The following RAD51AP2 variants were observed in gnomAD, a reference collection of about 807,000 sequenced individuals.
RAD51AP2 encodes the protein RAD51-associated protein 2.
A neutral mutation model predicts 85.5 loss-of-function variants in RAD51AP2; 67 were observed. That is an observed-to-expected ratio of 0.78 (90% CI 0.64 to 0.96). The LOEUF is 0.96. Ranked by LOEUF, RAD51AP2 falls within the 40% of genes least tolerant of loss-of-function variation. RAD51AP2 has a pLI of 0.00. For synonymous variants in RAD51AP2, 474 were observed against 446.5 expected, an observed-to-expected ratio of 1.06 and a Z score of -0.78; for missense variants, 1,307 against 1,332.4, an observed-to-expected ratio of 0.98 and a Z score of 0.30.
intron 2 of RAD51AP2, among the ~76,000 whole-genome samples, chr2:17,512,080 A>T (rs1223264527): frequency 1.3e-5 from 2 of 152,192 alleles, no homozygotes; most frequent in Non-Finnish European, 2.9e-5. Context: ...GCTCAAAATA[A>T]TTTCAATACT....
At chr2:17,514,540 G>GC (rs1278753180) in intron 1 of RAD51AP2, among the ~76,000 whole-genome samples, 1 of 151,900 alleles carries the variant, frequency 6.6e-6, no homozygotes, top group Non-Finnish European at 1.5e-5. Context: ...GGGCGGCGGG[G>GC]GGGGTGGATC....
the RAD51AP2 span, among the ~76,000 whole-genome samples, chr2:17,530,687 A>G: frequency 1.3e-5 from 2 of 152,070 alleles, no homozygotes; most frequent in Non-Finnish European, 2.9e-5. Flanking sequence ...TTTTAAGATA[A>G]AAATAATACA....
Position 17,517,764 on chromosome 2 carries a change from C to A in RAD51AP2, c.652G>T (p.Val218Leu). ...TTATTTTCTCTTTTATTTGATGGCA[C>A]AACACTGTTAGCTTTACATCTGTTC... ...IKNRCKANSV[V>L]PSNKRENNIS... Residue 218 changes from valine (V) to leucine (L), a missense_variant, in exon 1 of 3, where the codon GTG becomes TTG. Around this residue, in one of 3 missense-constraint regions of RAD51AP2, gnomAD observed 635 missense variants for 643.6 expected, o/e 0.99. Transcript: ENST00000399080. 6.2e-7 allele frequency: 1 copy of A among 1,613,864 alleles called. No individual in the cohort carries two copies. Among genetic ancestry groups the A allele is most frequent in the African/African-American group, 1.3e-5 (1 of 75,034 alleles).
the RAD51AP2 span, among the ~76,000 whole-genome samples, chr2:17,525,932 C>G: frequency 1.3e-5 from 2 of 151,926 alleles, no homozygotes; most frequent in Non-Finnish European, 2.9e-5. Flanking sequence ...AGGAACAGAA[C>G]CACAGTAATC....
Position 17,518,425 on chromosome 2 carries a change from T to A in RAD51AP2, c.-10A>T. 6.2e-7 allele frequency: 1 copy of A among 1,607,732 alleles called. No homozygotes were observed. The highest frequency in any genetic ancestry group is 8.5e-7 in the Non-Finnish European group (1 of 1,178,008). ...GCTGAGGGAGAGACATGACAGCGAA[T>A]GGAAAGGATCTGTCCGAGTCCCGGC... On this transcript the variant is annotated 5_prime_UTR_variant, in exon 1 of 3. Transcript: ENST00000399080.
At chr2:17,523,414 G>T (rs891008928), upstream of RAD51AP2, among the ~76,000 whole-genome samples, 1 of 151,898 alleles carries the variant, frequency 6.6e-6, no homozygotes, top group South Asian at 2.1e-4. Flanking sequence ...ATATGCTACA[G>T]ATCAGAGCTT....
the RAD51AP2 span, among the ~76,000 whole-genome samples, chr2:17,528,835 C>T: frequency 1.3e-5 from 2 of 152,228 alleles, no homozygotes; most frequent in Admixed American, 6.5e-5. Context: ...CAGAACAATT[C>T]CATGTCTCAA....
intron 1 of RAD51AP2, among the ~76,000 whole-genome samples, chr2:17,514,539 G>GGA (rs1292303308): frequency 3.9e-5 from 5 of 128,698 alleles, no homozygotes; most frequent in Non-Finnish European, 5.7e-5. Context: ...AGGGCGGCGG[G>GGA]GGGGGTGGAT....
rs750569378 is a variant in RAD51AP2 at position 17,518,058 on chromosome 2, A to AG, written c.357dup (p.Ser120LeufsTer5). 4 of 1,614,082 alleles carry AG rather than the reference A, an allele frequency of 2.5e-6. No homozygotes were observed. Among genetic ancestry groups the AG allele is most frequent in the Non-Finnish European group, 2.5e-6 (3 of 1,180,008 alleles). On this transcript the variant is annotated frameshift_variant, in exon 1 of 3. Transcript: ENST00000399080. LOFTEE classifies it high-confidence loss of function. The stretch of plus-strand genomic sequence containing the variant: ...CTCAAATCAGAATCAGGACTTTGTG[A>AG]GGGGGGAGACTGCAAACAGCTACTC...
At chr2:17,522,175 C>T (rs773865464), upstream of RAD51AP2, among the ~76,000 whole-genome samples, 2 of 151,984 alleles carry the variant, frequency 1.3e-5, no homozygotes, top group East Asian at 1.9e-4. Context: ...AAAATACAAA[C>T]TTTAATTTGA....
At chr2:17,532,596 A>G in the RAD51AP2 span, among the ~76,000 whole-genome samples, 1 of 152,148 alleles carries the variant, frequency 6.6e-6, no homozygotes, top group African/African-American at 2.4e-5. Flanking sequence ...GCAGTCAGGA[A>G]CCTGTTTCTT....
rs368152388 is a variant in RAD51AP2 at position 17,515,638 on chromosome 2, A to G, written c.2778T>C (p.Tyr926=). 949 of 1,612,520 alleles carry G rather than the reference A, an allele frequency of 5.9e-4. No individual in the cohort carries two copies. Among genetic ancestry groups the G allele is most frequent in the Non-Finnish European group, 7.4e-4 (878 of 1,179,496 alleles). The change falls in exon 1 of 3, where the codon TAT becomes TAC. Residue 926 remains tyrosine, a synonymous_variant. Transcript: ENST00000399080. The stretch of plus-strand genomic sequence containing the variant: ...GACCAGTTTCAAATTGATGATTAAT[A>G]TATAATGCAGAGTCATTCTTTCTGT... The part of the protein sequence containing the change: ...DFHRKNDSAL[Y]INHQFETGLS...
chr2:17,514,543 G>GGT (rs1553293575), intron 1 of RAD51AP2, among the ~76,000 whole-genome samples: 4 of 151,188 alleles, frequency 2.6e-5, no homozygotes, highest in South Asian at 2.1e-4. Flanking sequence ...CGGCGGGGGG[G>GGT]GTGGATCACA....
At position 17,518,253 on chromosome 2, in the gene RAD51AP2, G is replaced by C; in HGVS notation, c.163C>G (p.Pro55Ala). 6.2e-7 allele frequency: 1 copy of C among 1,614,162 alleles called. No homozygotes were observed. Among genetic ancestry groups the C allele is most frequent in the South Asian group, 1.1e-5 (1 of 91,086 alleles). The change falls in exon 1 of 3, where the codon CCT becomes GCT. Residue 55 changes from proline (P) to alanine (A), a missense_variant. This residue lies in a region of RAD51AP2 where 635 missense variants were observed against 643.6 expected (regional missense o/e 0.99). Coordinates refer to ENST00000399080, the MANE Select transcript of RAD51AP2 (RefSeq NM_001099218.3). The stretch of plus-strand genomic sequence containing the variant: ...ACTTTTTCCGCCTCAGACAAGCGAG[G>C]CACCAGAGGCAGTCGCCAGCCCGCC... The part of the protein sequence containing the change: ...FKAGWRLPLV[P>A]RLSEAEKVWE...
At position 17,516,502 on chromosome 2, in the gene RAD51AP2, T is replaced by C. The variant is rs775904504; in HGVS notation, c.1914A>G (p.Leu638=). ...ACATAGGTTTCATATTATCTTCTAATAGTCTTGAAGAAGTTAAAATCTTTA... is the reference window on the plus strand; with the variant it reads ...ACATAGGTTTCATATTATCTTCTAACAGTCTTGAAGAAGTTAAAATCTTTA... ...YLVKILTSSR[L]LEDNMKPMLK... Residue 638 remains leucine (L), a synonymous_variant, in exon 1 of 3, where the codon CTA becomes CTG. Coordinates refer to ENST00000399080, the MANE Select transcript of RAD51AP2 (RefSeq NM_001099218.3). 1 of 1,537,374 alleles carries C rather than the reference T, an allele frequency of 6.5e-7. No individual in the cohort carries two copies. Among genetic ancestry groups the C allele is most frequent in the Non-Finnish European group, 8.9e-7 (1 of 1,127,952 alleles).
Position 17,516,863 on chromosome 2 carries a change from T to C in RAD51AP2, c.1553A>G (p.Lys518Arg). The change falls in exon 1 of 3, where the codon AAA becomes AGA. Residue 518 changes from lysine to arginine, a missense_variant. Lys to Arg is a conservative substitution (Grantham distance 26). This residue lies in a region of RAD51AP2 where 635 missense variants were observed against 643.6 expected (regional missense o/e 0.99). Coordinates refer to ENST00000399080, the MANE Select transcript of RAD51AP2 (RefSeq NM_001099218.3). The part of the protein sequence containing the change: ...SFIIEIFYFH[K>R]SISGNKKDNS... ...ATCTTTTTTATTTCCTGAAATACTT[T>C]TATGGAAATAAAAAATTTCTATAAT... 1 of 1,556,566 alleles carries C rather than the reference T, an allele frequency of 6.4e-7. No individual in the cohort carries two copies. The highest frequency in any genetic ancestry group is 1.2e-5 in the South Asian group (1 of 82,746).
chr2:17,535,349 C>G, the RAD51AP2 span, among the ~76,000 whole-genome samples: 3 of 152,108 alleles, frequency 2.0e-5, no homozygotes, highest in Non-Finnish European at 2.9e-5. Context: ...ATGGGGCTCT[C>G]AAGAGCCAGA....
In RAD51AP2 at chr2:17,515,616, C is replaced by A. The variant is rs752212419; in HGVS notation, c.2800G>T (p.Gly934Cys). ...ALYINHQFETGLSEGNDECFQ... is the reference protein window; with the variant it reads ...ALYINHQFETCLSEGNDECFQ... ...CATTCATCATTCCCTTCACTCAGAC[C>A]AGTTTCAAATTGATGATTAATATAT... is the stretch of plus-strand genomic sequence containing the variant. Residue 934 changes from glycine (G) to cysteine (C), a missense_variant, in exon 1 of 3, where the codon GGT becomes TGT. By Grantham distance (159) the Gly-to-Cys change is radical. Coordinates refer to ENST00000399080, the MANE Select transcript of RAD51AP2 (RefSeq NM_001099218.3). The A allele has an allele frequency of 2.9e-5, 47 of 1,611,678 alleles. No individual in the cohort carries two copies. In the African/African-American group the frequency reaches 5.7e-4, roughly 20 times the overall value.
Position 17,516,971 on chromosome 2 carries a change from T to C in RAD51AP2, c.1445A>G (p.Lys482Arg), listed in dbSNP as rs1344993691. The C allele has an allele frequency of 6.3e-7, 1 of 1,597,044 alleles. No individual in the cohort carries two copies. The highest frequency in any genetic ancestry group is 1.8e-5 in the Admixed American group (1 of 55,690). ...CTGTAGAGTATTATCATTTTCTCCT[T>C]TACCATTTAGCCAAACAGTCGTTAT... ...ALITTVWLNG[K>R]GENDNTLQLR... The change falls in exon 1 of 3, where the codon AAA becomes AGA. Residue 482 changes from lysine to arginine, a missense_variant. This residue lies in a region of RAD51AP2 where 635 missense variants were observed against 643.6 expected (regional missense o/e 0.99). Transcript: ENST00000399080.
Sources: allele counts gnomAD v4.1 joint callset (sites outside exome capture counted in the v4.1 genomes callset), GRCh38; gene constraint gnomAD v4.1.1; regional missense constraint gnomAD v4.1.1; transcripts MANE v1.5; gene names NCBI Gene and HGNC (gene_info 2026-07-23, HGNC 2026-07-21).